Variants in ADAMTS5 observed in about 807,000 individuals in gnomAD.
The protein encoded by ADAMTS5 is A disintegrin and metalloproteinase with thrombospondin motifs 5.
ADAMTS5 carries 54 observed loss-of-function variants against 81.4 expected under a neutral mutation model. The observed-to-expected ratio is 0.66, with a 90% CI of 0.53 to 0.83. ADAMTS5 has a LOEUF of 0.83. ADAMTS5 is among the 40% of genes least tolerant of loss of function. The pLI is 0.00. For synonymous variants in ADAMTS5, 532 were observed against 508.8 expected (o/e 1.05, Z -0.61); for missense variants, 1,194 against 1,229.9 (o/e 0.97, Z 0.44).
At chr21:26,929,806 T>C in intron 7 of ADAMTS5, 80 bp downstream of exon 7, 2 of 1,428,502 alleles carry the variant, frequency 1.4e-6, no homozygotes, top group Non-Finnish European at 1.9e-6. Flanking sequence ...TATGATGTAA[T>C]ATGAATCCTC....
intron 7 of ADAMTS5, among the ~76,000 whole-genome samples, chr21:26,925,334 T>C (rs1986787223): frequency 6.6e-6 from 1 of 152,196 alleles, no homozygotes; most frequent in Non-Finnish European, 1.5e-5. Context: ...GGTAATGATA[T>C]TACTAATACC....
rs552093753 is a variant in ADAMTS5, at chr21:26,961,113, G to A, written c.1104+4175C>T. Among the ~76,000 whole-genome samples, 6 of 152,334 alleles carry A rather than the reference G, an allele frequency of 3.9e-5. No homozygotes were observed. In the South Asian group the frequency reaches 1.2e-3, roughly 32 times the overall value. On this transcript the variant is annotated intron_variant, in intron 1 of 7. Coordinates refer to ENST00000284987, the MANE Select transcript of ADAMTS5 (RefSeq NM_007038.5). ...AAGGTTTGAATAAATTAGTGATAAT[G>A]CTTTTAGTTTAGAGAGCACTAGACA... is the stretch of plus-strand genomic sequence containing the variant.
At chr21:26,924,772 G>T in intron 7 of ADAMTS5, 152 bp from the exon 8 acceptor site, 2 of 660,400 alleles carry the variant, frequency 3.0e-6, no homozygotes, top group African/African-American at 1.8e-5. Flanking sequence ...TTTAAAATTG[G>T]GTTTAAAAAT....
chr21:26,925,659 A>G (rs1029474036), intron 7 of ADAMTS5, among the ~76,000 whole-genome samples: 4 of 152,194 alleles, frequency 2.6e-5, no homozygotes, highest in Non-Finnish European at 5.9e-5. Context: ...CAGGAATACT[A>G]TTGGCTTGAG....
chr21:26,932,261 A>C, intron 5 of ADAMTS5, 82 bp from the exon 6 acceptor site: 1 of 1,451,278 alleles, frequency 6.9e-7, no homozygotes, highest in East Asian at 2.3e-5. Flanking sequence ...AGTTAATTTT[A>C]AGGGGAAGAT....
chr21:26,950,944 C>T (rs1987305093), intron 2 of ADAMTS5, among the ~76,000 whole-genome samples: 1 of 152,098 alleles, frequency 6.6e-6, no homozygotes, highest in African/African-American at 2.4e-5. Flanking sequence ...TATCCTCTGT[C>T]TCCTGGGCTC....
At chr21:26,955,414 T>C (rs780285486) in intron 1 of ADAMTS5, among the ~76,000 whole-genome samples, 25 of 152,238 alleles carry the variant, frequency 1.6e-4, no homozygotes, top group Non-Finnish European at 3.4e-4. Flanking sequence ...TTGTGTCTTC[T>C]GAAATCTGTA....
At position 26,920,767 on chromosome 21, in the gene ADAMTS5, T is replaced by G. The variant is rs1164008235; in HGVS notation, c.*3286A>C. 6.6e-6 allele frequency: 1 copy of G among 152,084 alleles called. No individual in the cohort carries two copies. Among genetic ancestry groups the G allele is most frequent in the African/African-American group, 2.4e-5 (1 of 41,434 alleles). The allele number at this position is 152,084 out of a possible 1,614,324, so 9.4% of individuals were successfully genotyped here. On this transcript the variant is annotated 3_prime_UTR_variant, in exon 8 of 8. Transcript: ENST00000284987. ...AATAAGTGTTTTTCTTATTTGTGAC[T>G]TGGAAAAAATAGTGTTAATGTGATG...
intron 1 of ADAMTS5, among the ~76,000 whole-genome samples, chr21:26,964,939 A>T (rs1987607685): frequency 6.6e-6 from 1 of 152,166 alleles, no homozygotes; most frequent in Non-Finnish European, 1.5e-5. Context: ...TCCCAAAGGC[A>T]ACTTTGTTTT....
chr21:26,931,440 G>T (rs1986905024), intron 6 of ADAMTS5, among the ~76,000 whole-genome samples: 1 of 152,132 alleles, frequency 6.6e-6, no homozygotes, highest in Admixed American at 6.5e-5. Flanking sequence ...TTTAGAAAAT[G>T]CTCACTTGTG....
At chr21:26,935,987 A>AT (rs2123177939) in intron 3 of ADAMTS5, among the ~76,000 whole-genome samples, 1 of 152,268 alleles carries the variant, frequency 6.6e-6, no homozygotes, top group South Asian at 2.1e-4. Context: ...TCTAGTGCAT[A>AT]TTTTATTTAT....
chr21:26,964,986 A>G (rs1987608876), intron 1 of ADAMTS5, among the ~76,000 whole-genome samples: 1 of 152,188 alleles, frequency 6.6e-6, no homozygotes, highest in Admixed American at 6.5e-5. Context: ...CATTTCCCCA[A>G]GCATCCTTGT....
At position 26,965,830 on chromosome 21, in the gene ADAMTS5, G is replaced by T; in HGVS notation, c.562C>A (p.Arg188=). ...KGRVYGDGSA[R]ILHVYTREGF... ...TCGCGGGTGTAGACGTGCAGGATCC[G>T]TGCGGACCCATCCCCGTACACGCGC... The change falls in exon 1 of 8, where the codon CGG becomes AGG. Residue 188 remains arginine, a synonymous_variant. Coordinates refer to ENST00000284987, the MANE Select transcript of ADAMTS5 (RefSeq NM_007038.5). 1 of 1,611,132 alleles carries T rather than the reference G, an allele frequency of 6.2e-7. No individual in the cohort carries two copies. The highest frequency in any genetic ancestry group is 8.5e-7 in the Non-Finnish European group (1 of 1,179,030).
At position 26,966,217 on chromosome 21, in the gene ADAMTS5, C is replaced by T. The variant is rs1987664750; in HGVS notation, c.175G>A (p.Gly59Ser). Residue 59 changes from glycine to serine, a missense_variant, in exon 1 of 8, where the codon GGC (glycine) becomes AGC (serine). Gly to Ser is a moderately conservative substitution (Grantham distance 56). This residue lies in a region of ADAMTS5 where 498 missense variants were observed against 412.3 expected (regional missense o/e 1.21). Transcript: ENST00000284987. ...EEVQERAEPP[G>S]HPHPLAQRRR... ...CGCTGCGCCAGGGGGTGCGGGTGGC[C>T]GGGAGGCTCGGCTCGCTCCTGCACC... The T allele has an allele frequency of 1.2e-5, 19 of 1,597,618 alleles. No homozygotes were observed. The highest frequency in any genetic ancestry group is 1.6e-5 in the Non-Finnish European group (19 of 1,173,122).
rs1987679209 is a variant in ADAMTS5, at chr21:26,966,510, C to T, written c.-119G>A. On this transcript the variant is annotated 5_prime_UTR_variant, in exon 1 of 8. Coordinates refer to ENST00000284987, the MANE Select transcript of ADAMTS5 (RefSeq NM_007038.5). Reference sequence around the variant, plus strand: ...CACACACTTGCTTGCAGGATTGAGTCAAGTGTCGGAGGGAGGGGGGCCCGG... The same window carrying T: ...CACACACTTGCTTGCAGGATTGAGTTAAGTGTCGGAGGGAGGGGGGCCCGG... 1.8e-6 allele frequency: 2 copies of T among 1,123,280 alleles called. No homozygotes were observed. Among genetic ancestry groups the T allele is most frequent in the Admixed American group, 4.1e-5 (1 of 24,256 alleles). The allele number at this position is 1,123,280 out of a possible 1,614,324, so 69.6% of individuals were successfully genotyped here.
chr21:26,956,219 G>A (rs1418517347), intron 1 of ADAMTS5, among the ~76,000 whole-genome samples: 1 of 152,142 alleles, frequency 6.6e-6, no homozygotes, highest in African/African-American at 2.4e-5. Flanking sequence ...ATCCTACCAA[G>A]GTGAAGAGTA....
chr21:26,946,578 A>G (rs957272543), intron 2 of ADAMTS5, among the ~76,000 whole-genome samples: 7 of 152,142 alleles, frequency 4.6e-5, no homozygotes, highest in Non-Finnish European at 1.0e-4. Flanking sequence ...TTTAAAATGA[A>G]TGGTGTGGTT....
In ADAMTS5 at chr21:26,965,311, C is replaced by T. The variant is rs1272166455; in HGVS notation, c.1081G>A (p.Ala361Thr). Residue 361 changes from alanine to threonine, a missense_variant, in exon 1 of 8, where the codon GCA (alanine) becomes ACA (threonine). By Grantham distance (58) the Ala-to-Thr change is moderately conservative. Around this residue, in one of 2 missense-constraint regions of ADAMTS5, gnomAD observed 696 missense variants for 817.6 expected, o/e 0.85. Transcript: ENST00000284987. ...ACCTCCCGAGTAAACAGGATAGCTG[C>T]ATCGTAGTGCTCCTCATGGTCATCT... ...LGDDHEEHYDAAILFTREDLC... is the reference protein window; with the variant it reads ...LGDDHEEHYDTAILFTREDLC... 1 of 1,613,806 alleles carries T rather than the reference C, an allele frequency of 6.2e-7. No homozygotes were observed. The highest frequency in any genetic ancestry group is 8.5e-7 in the Non-Finnish European group (1 of 1,179,776).
At chr21:26,929,330 A>G (rs758082361) in intron 7 of ADAMTS5, among the ~76,000 whole-genome samples, 4 of 152,200 alleles carry the variant, frequency 2.6e-5, no homozygotes, top group Admixed American at 1.3e-4. Context: ...AAACTTGAAT[A>G]TTTAAAGCAA....
Sources: gnomAD v4.1 joint callset for allele counts (sites outside exome capture counted in the v4.1 genomes callset) on GRCh38, gnomAD v4.1.1 for gene constraint, gnomAD v4.1.1 regional missense constraint, MANE v1.5 for transcripts, NCBI Gene and HGNC (gene_info 2026-07-23, HGNC 2026-07-21) for gene names.